The following CLASP1 variants were observed in gnomAD, a reference collection of about 807,000 sequenced individuals.
The protein encoded by CLASP1 is CLIP-associating protein 1.
CLASP1 carries 38 observed loss-of-function variants against 192.3 expected under a neutral mutation model. The ratio of observed to expected loss-of-function variants is 0.20; its 90% confidence interval spans 0.15 to 0.26. The LOEUF is 0.26. Among genes scored for constraint, CLASP1 ranks in the 10% least tolerant of loss-of-function variants. The pLI is 1.00. For synonymous variants in CLASP1, 691 were observed against 712.8 expected, an observed-to-expected ratio of 0.97 and a Z score of 0.49; for missense variants, 1,433 against 1,932.5, an observed-to-expected ratio of 0.74 and a Z score of 4.85.
chr2:121,558,751 C>A (rs1000702702), intron 2 of CLASP1, among the ~76,000 whole-genome samples: 8 of 152,084 alleles, frequency 5.3e-5, no homozygotes, highest in Non-Finnish European at 1.0e-4. Context: ...CTGTTATAAA[C>A]AAAAGAAAAT....
chr2:121,524,224 T>C (rs2104614925), intron 6 of CLASP1, among the ~76,000 whole-genome samples: 1 of 152,240 alleles, frequency 6.6e-6, no homozygotes, highest in African/African-American at 2.4e-5. Context: ...GCTAGAGCAC[T>C]CCATGTGGCG....
chr2:121,426,230 C>T (rs935911063), intron 21 of CLASP1, among the ~76,000 whole-genome samples: 1 of 152,018 alleles, frequency 6.6e-6, no homozygotes, highest in Non-Finnish European at 1.5e-5. Context: ...AAAAGTCAAA[C>T]AATACACCAC....
chr2:121,459,025 T>A, intron 12 of CLASP1, 50 bp from the exon 13 acceptor site: 1 of 1,445,680 alleles, frequency 6.9e-7, no homozygotes, highest in Non-Finnish European at 9.3e-7. Context: ...TTAGAGACAG[T>A]GAAGCATATA....
At chr2:121,438,092 T>C (rs2082608337) in intron 19 of CLASP1, among the ~76,000 whole-genome samples, 1 of 152,234 alleles carries the variant, frequency 6.6e-6, no homozygotes, top group South Asian at 2.1e-4. Context: ...ATAATGGATA[T>C]AACACAGAGT....
chr2:121,406,154 CATTA>C (rs1334901268), intron 25 of CLASP1, among the ~76,000 whole-genome samples: 7 of 152,048 alleles, frequency 4.6e-5, no homozygotes, highest in Non-Finnish European at 1.0e-4. Context: ...TAATACGTGG[CATTA>C]ATTAAAGGGC....
intron 14 of CLASP1, among the ~76,000 whole-genome samples, chr2:121,456,054 G>A (rs1333472472): frequency 6.6e-6 from 1 of 152,122 alleles, no homozygotes; most frequent in Non-Finnish European, 1.5e-5. Flanking sequence ...TAAAATTGCT[G>A]AGAGTAGATT....
intron 8 of CLASP1, among the ~76,000 whole-genome samples, chr2:121,474,900 A>G (rs1349130801): frequency 6.6e-6 from 1 of 152,212 alleles, no homozygotes; most frequent in Non-Finnish European, 1.5e-5. Context: ...AACTATAGGG[A>G]TAGTGAGAAG....
intron 1 of CLASP1, among the ~76,000 whole-genome samples, chr2:121,630,331 A>G (rs1027915754): frequency 6.6e-6 from 1 of 151,958 alleles, no homozygotes. Flanking sequence ...ATCCATTACT[A>G]CAAGTATTGA....
At chr2:121,347,153 C>A in exon 39 of CLASP1, 1 of 1,560,918 alleles carries the variant, frequency 6.4e-7, no homozygotes. Context: ...GTTGTCATAA[C>A]CCTAGAGAGC....
intron 2 of CLASP1, among the ~76,000 whole-genome samples, chr2:121,570,971 C>T (rs980070371): frequency 6.6e-6 from 1 of 151,848 alleles, no homozygotes; most frequent in African/African-American, 2.4e-5. Context: ...ATCTTCCTGC[C>T]TTACAGAACC....
intron 33 of CLASP1, among the ~76,000 whole-genome samples, chr2:121,379,924 C>G (rs373422829): frequency 6.6e-6 from 1 of 152,236 alleles, no homozygotes; most frequent in African/African-American, 2.4e-5. Flanking sequence ...AATTAATAAA[C>G]CAACTCAAAC....
At chr2:121,571,422 T>G (rs1276567294) in intron 2 of CLASP1, among the ~76,000 whole-genome samples, 3 of 152,318 alleles carry the variant, frequency 2.0e-5, no homozygotes, top group Admixed American at 2.0e-4. Context: ...TAATTAAATT[T>G]CATAAGCAGT....
intron 13 of CLASP1, 77 bp from the exon 14 acceptor site, chr2:121,457,834 T>A: frequency 1.0e-6 from 1 of 978,012 alleles, no homozygotes; most frequent in Non-Finnish European, 1.6e-6. Flanking sequence ...ATCACTTCCT[T>A]ACTAACCTAC....
intron 37 of CLASP1, among the ~76,000 whole-genome samples, chr2:121,349,916 C>T (rs754539908): frequency 9.2e-5 from 14 of 152,154 alleles, no homozygotes; most frequent in African/African-American, 3.1e-4. Context: ...ATGCTAGTCC[C>T]AAATGCTAAA....
intron 19 of CLASP1, among the ~76,000 whole-genome samples, chr2:121,443,476 CG>C (rs1468910535): frequency 6.6e-6 from 1 of 152,188 alleles, no homozygotes; most frequent in African/African-American, 2.4e-5. Flanking sequence ...AGAAAACACT[CG>C]GGATTGTTTC....
At chr2:121,394,750 T>C (rs1396499908) in intron 30 of CLASP1, among the ~76,000 whole-genome samples, 1 of 152,022 alleles carries the variant, frequency 6.6e-6, no homozygotes, top group Non-Finnish European at 1.5e-5. Flanking sequence ...CATGGTGGTA[T>C]GTGCCTATAA....
chr2:121,637,673 G>A (rs1260268968), intron 1 of CLASP1, among the ~76,000 whole-genome samples: 1 of 152,140 alleles, frequency 6.6e-6, no homozygotes, highest in Non-Finnish European at 1.5e-5. Flanking sequence ...ATCACCCAAG[G>A]TGAAGAGTTT....
At chr2:121,480,522 G>A (rs1192310536) in intron 8 of CLASP1, among the ~76,000 whole-genome samples, 2 of 152,226 alleles carry the variant, frequency 1.3e-5, no homozygotes, top group South Asian at 2.1e-4. Flanking sequence ...CTCGCACTGG[G>A]TAGTGAGCCT....
At chr2:121,346,050 T>G (rs1279441361) in intron 39 of CLASP1, among the ~76,000 whole-genome samples, 1 of 152,202 alleles carries the variant, frequency 6.6e-6, no homozygotes, top group Non-Finnish European at 1.5e-5. Context: ...TGGCTGTTAA[T>G]GCTCACCAGC....
Sources: gnomAD v4.1 joint callset for allele counts (sites outside exome capture counted in the v4.1 genomes callset) on GRCh38, gnomAD v4.1.1 for gene constraint, MANE v1.5 for transcripts, NCBI Gene and HGNC (gene_info 2026-07-23, HGNC 2026-07-21) for gene names.